ARHGAP21: variants seen among roughly 807,000 people sequenced by gnomAD.
ARHGAP21 encodes the protein Rho GTPase activating protein 21.
Under a neutral mutation model 164.6 loss-of-function variants are expected in ARHGAP21, and 38 were observed. The observed-to-expected ratio is 0.23, with a 90% CI of 0.18 to 0.30. The LOEUF (loss-of-function observed/expected upper bound fraction) is 0.30, where lower values mean the gene tolerates loss of function less well. ARHGAP21 is among the 10% of genes least tolerant of loss of function. The pLI is 1.00. For synonymous variants in ARHGAP21, 766 were observed against 857.9 expected (o/e 0.89, Z 1.87); for missense variants, 1,822 against 2,370.7 (o/e 0.77, Z 4.81).
At chr10:24,619,272 A>T (rs201217222) in intron 9 of ARHGAP21, among the ~76,000 whole-genome samples, 31 of 122,740 alleles carry the variant, frequency 2.5e-4, no homozygotes, top group Middle Eastern at 8.5e-3. Flanking sequence ...TTTTTTTTTT[A>T]AAAAAAGGAA....
chr10:24,595,580 T>C lies in ARHGAP21; in HGVS notation c.3712+137A>G, dbSNP rs1371560703. 13 of 789,356 alleles carry C rather than the reference T, an allele frequency of 1.6e-5. No individual in the cohort carries two copies. In the Admixed American group the frequency reaches 3.7e-4, roughly 23 times the overall value. The allele number at this position is 789,356 out of a possible 1,614,324, so 48.9% of individuals were successfully genotyped here. A position where few individuals can be genotyped will look rare whatever the true frequency, so the allele number is the denominator to read the frequency against. ...ACCTAAATAACTTTTATGTTTTTAATATATGAGGGAGAACTAAATAAAGCC... is the reference window on the plus strand; with the variant it reads ...ACCTAAATAACTTTTATGTTTTTAACATATGAGGGAGAACTAAATAAAGCC... On this transcript the variant is annotated intron_variant, in intron 19 of 25. Transcript: ENST00000396432.
rs537858650 is a variant in ARHGAP21 at position 24,646,672 on chromosome 10, G to T, written c.269-11569C>A. Among the ~76,000 whole-genome samples the T allele has an allele frequency of 4.6e-5, 7 of 152,270 alleles. No individual in the cohort carries two copies. The South Asian group carries it at 1.5e-3, about 32-fold the overall frequency. ...GTCTTGTAATCCTAGCACTTTGGGA[G>T]GCCAAGGTGGGAGGATCACTTGAGC... On this transcript the variant is annotated intron_variant, in intron 4 of 25. Transcript: ENST00000396432.
At position 24,596,098 on chromosome 10, in the gene ARHGAP21, G is replaced by A. The variant is rs983032357; in HGVS notation, c.3478-55C>T. The A allele has an allele frequency of 4.9e-6, 7 of 1,424,578 alleles. No homozygotes were observed. In the African/African-American group the frequency reaches 8.6e-5, roughly 18 times the overall value. 88.2% of individuals were successfully genotyped at this position (1,424,578 alleles called of 1,614,324 possible). On this transcript the variant is annotated intron_variant, in intron 17 of 25. Coordinates refer to ENST00000396432, the MANE Select transcript of ARHGAP21 (RefSeq NM_020824.4). ...AATGCAGCACAAATGTTTAGTAGTTGTATATCACAGCTAAAATGCCCCTTT... is the reference window on the plus strand; with the variant it reads ...AATGCAGCACAAATGTTTAGTAGTTATATATCACAGCTAAAATGCCCCTTT...
intron 21 of ARHGAP21, among the ~76,000 whole-genome samples, chr10:24,594,589 G>C (rs2076495530): frequency 6.7e-6 from 1 of 149,874 alleles, no homozygotes; most frequent in African/African-American, 2.5e-5. Flanking sequence ...GAATGAAAAT[G>C]ACTTATCTGT....
chr10:24,673,148 C>G (rs1840875480), intron 2 of ARHGAP21, among the ~76,000 whole-genome samples: 1 of 152,092 alleles, frequency 6.6e-6, no homozygotes, highest in African/African-American at 2.4e-5. Flanking sequence ...CATTGCAATC[C>G]CAATCAAAAT....
At chr10:24,596,905 AAAC>A (rs2076607331) in intron 16 of ARHGAP21, 23 bp from the exon 17 acceptor site, 4 of 1,585,438 alleles carry the variant, frequency 2.5e-6, no homozygotes, top group Non-Finnish European at 3.4e-6. Context: ...AGTCAAAATA[AAAC>A]AACATAATAA....
intron 11 of ARHGAP21, among the ~76,000 whole-genome samples, chr10:24,604,750 C>T (rs1221129028): frequency 6.6e-6 from 1 of 152,020 alleles, no homozygotes; most frequent in Non-Finnish European, 1.5e-5. Context: ...GGAGATGCTC[C>T]CTGTCATCTC....
intron 12 of ARHGAP21, among the ~76,000 whole-genome samples, chr10:24,603,015 T>G (rs1388392263): frequency 6.6e-6 from 1 of 152,170 alleles, no homozygotes; most frequent in Non-Finnish European, 1.5e-5. Context: ...CACGTAAACC[T>G]TGAGTTGCTG....
At chr10:24,713,166 G>A (rs1845002314) in intron 2 of ARHGAP21, among the ~76,000 whole-genome samples, 1 of 152,152 alleles carries the variant, frequency 6.6e-6, no homozygotes, top group African/African-American at 2.4e-5. Flanking sequence ...ATATATTAAT[G>A]AGTAGTGCAA....
chr10:24,644,695 A>G (rs1049322379), intron 4 of ARHGAP21, among the ~76,000 whole-genome samples: 19 of 152,090 alleles, frequency 1.2e-4, no homozygotes, highest in African/African-American at 4.3e-4. Context: ...GCAAATTACC[A>G]ACTCCTCCTG....
chr10:24,654,383 G>A (rs892985977), intron 4 of ARHGAP21, among the ~76,000 whole-genome samples: 1 of 152,078 alleles, frequency 6.6e-6, no homozygotes, highest in Non-Finnish European at 1.5e-5. Flanking sequence ...AAACCCTATC[G>A]CCTCAGCCCA....
intron 2 of ARHGAP21, among the ~76,000 whole-genome samples, chr10:24,692,382 T>C (rs999773573): frequency 6.6e-6 from 1 of 152,258 alleles, no homozygotes; most frequent in Non-Finnish European, 1.5e-5. Flanking sequence ...ACAATTCTTC[T>C]TACTAAATTA....
chr10:24,667,373 G>A (rs536987711), intron 3 of ARHGAP21, among the ~76,000 whole-genome samples: 1 of 152,330 alleles, frequency 6.6e-6, no homozygotes, highest in South Asian at 2.1e-4. Context: ...CAAGTAGGCA[G>A]TTGGACAGAT....
chr10:24,667,935 C>G (rs1840352775), intron 3 of ARHGAP21, among the ~76,000 whole-genome samples: 1 of 151,912 alleles, frequency 6.6e-6, no homozygotes, highest in Non-Finnish European at 1.5e-5. Context: ...GAAAAGATTC[C>G]AATATATATT....
intron 9 of ARHGAP21, among the ~76,000 whole-genome samples, chr10:24,618,370 C>G (rs1481169399): frequency 6.6e-6 from 1 of 152,008 alleles, no homozygotes; most frequent in Non-Finnish European, 1.5e-5. Flanking sequence ...TTTAGTTCTA[C>G]TGAGAAACAT....
intron 24 of ARHGAP21, chr10:24,590,402 T>C (rs2130753104): frequency 6.5e-7 from 1 of 1,535,398 alleles, no homozygotes; most frequent in Non-Finnish European, 8.7e-7. Context: ...TCCTTCTTCC[T>C]ACAGTTCCAG....
chr10:24,593,769 A>G (rs1316653629), intron 21 of ARHGAP21, among the ~76,000 whole-genome samples: 3 of 152,232 alleles, frequency 2.0e-5, no homozygotes, highest in Non-Finnish European at 4.4e-5. Context: ...ATTTCAGAAA[A>G]TACTGAAATT....
chr10:24,616,276 T>C (rs945381433), intron 9 of ARHGAP21, among the ~76,000 whole-genome samples: 1 of 152,230 alleles, frequency 6.6e-6, no homozygotes, highest in African/African-American at 2.4e-5. Flanking sequence ...ATAAACAGAC[T>C]ATTTGCTAAG....
intron 2 of ARHGAP21, among the ~76,000 whole-genome samples, chr10:24,682,635 AT>A (rs932225235): frequency 1.6e-4 from 25 of 152,090 alleles, no homozygotes; most frequent in Admixed American, 4.6e-4. Context: ...CATGCTAAGT[AT>A]GCTTGATAAC....
Sources: allele counts gnomAD v4.1 joint callset (sites outside exome capture counted in the v4.1 genomes callset), GRCh38; gene constraint gnomAD v4.1.1; transcripts MANE v1.5; gene names NCBI Gene and HGNC (gene_info 2026-07-23, HGNC 2026-07-21).